PLXDC2: variants seen among roughly 807,000 people sequenced by gnomAD.
PLXDC2 encodes plexin domain-containing protein 2.
Under a neutral mutation model 68.9 loss-of-function variants are expected in PLXDC2, and 40 were observed. The ratio of observed to expected loss-of-function variants is 0.58; its 90% CI spans 0.45 to 0.76. PLXDC2 has a LOEUF of 0.76. Among genes scored for constraint, PLXDC2 ranks in the 30% least tolerant of loss-of-function variants. The pLI is 0.00. For synonymous variants in PLXDC2, 243 were observed against 234.2 expected (o/e 1.04, Z -0.34); for missense variants, 644 against 661.9 (o/e 0.97, Z 0.30).
intron 9 of PLXDC2, among the ~76,000 whole-genome samples, chr10:20,199,092 G>C (rs933918699): frequency 7.2e-5 from 11 of 151,900 alleles, no homozygotes; most frequent in Non-Finnish European, 1.5e-4. Context: ...CTAAAACATA[G>C]TCAAATAATA....
chr10:19,966,502 A>G (rs1177530731), intron 1 of PLXDC2, among the ~76,000 whole-genome samples: 2 of 60,686 alleles, frequency 3.3e-5, no homozygotes, highest in African/African-American at 1.6e-4. Flanking sequence ...TGTATGATAT[A>G]GATATAGAAA....
At chr10:19,856,442 A>C (rs1837216302) in intron 1 of PLXDC2, among the ~76,000 whole-genome samples, 2 of 151,468 alleles carry the variant, frequency 1.3e-5, no homozygotes, top group African/African-American at 4.9e-5. Context: ...CCTTATAATA[A>C]ACTTGGTTTG....
At chr10:20,201,153 G>A (rs6482101) in intron 9 of PLXDC2, among the ~76,000 whole-genome samples, 71,541 of 151,816 alleles carry the variant, frequency 0.47, 17,033 homozygotes, top group Middle Eastern at 0.55. Flanking sequence ...ATCAATGGAT[G>A]AAGAAAATGT....
chr10:19,888,466 G>A (rs531502494), intron 1 of PLXDC2, among the ~76,000 whole-genome samples: 2 of 152,272 alleles, frequency 1.3e-5, no homozygotes, highest in South Asian at 4.1e-4. Flanking sequence ...CCTACAATGA[G>A]ATCACTTTCT....
intron 2 of PLXDC2, among the ~76,000 whole-genome samples, chr10:20,036,124 A>T (rs1180451389): frequency 2.6e-5 from 4 of 152,206 alleles, no homozygotes; most frequent in Non-Finnish European, 4.4e-5. Flanking sequence ...AAGGACCTGT[A>T]TGTGTGTGCT....
chr10:20,130,308 G>T (rs545779668), intron 4 of PLXDC2, among the ~76,000 whole-genome samples: 1 of 151,948 alleles, frequency 6.6e-6, no homozygotes, highest in Non-Finnish European at 1.5e-5. Context: ...TGGATAGTTT[G>T]TTGTTAGTGT....
At chr10:20,094,686 T>C (rs1012658291) in intron 4 of PLXDC2, among the ~76,000 whole-genome samples, 28 of 152,224 alleles carry the variant, frequency 1.8e-4, no homozygotes, top group Non-Finnish European at 2.9e-5. Context: ...AAGGTCAATA[T>C]GATCTTGGAC....
chr10:19,984,684 G>T (rs187817409), intron 1 of PLXDC2, among the ~76,000 whole-genome samples: 1 of 152,262 alleles, frequency 6.6e-6, no homozygotes, highest in East Asian at 1.9e-4. Flanking sequence ...GAACTTCAGA[G>T]ACACAGGAGA....
chr10:20,176,777 T>C (rs1474494773), intron 7 of PLXDC2, among the ~76,000 whole-genome samples: 1 of 152,114 alleles, frequency 6.6e-6, no homozygotes, highest in East Asian at 1.9e-4. Context: ...AAGTGAGATA[T>C]CTGAGACCCT....
chr10:20,237,647 G>A (rs1835451693), intron 12 of PLXDC2, among the ~76,000 whole-genome samples: 1 of 152,184 alleles, frequency 6.6e-6, no homozygotes, highest in African/African-American at 2.4e-5. Flanking sequence ...ATTCATGTCT[G>A]TGTGCATTTT....
intron 2 of PLXDC2, among the ~76,000 whole-genome samples, chr10:20,008,578 A>T (rs972815338): frequency 4.6e-5 from 7 of 152,046 alleles, no homozygotes; most frequent in Non-Finnish European, 7.4e-5. Context: ...AAAAAATGTG[A>T]TTGTGTTGAT....
intron 10 of PLXDC2, 143 bp downstream of exon 10, chr10:20,211,872 A>T (rs975778485): frequency 2.7e-6 from 2 of 734,552 alleles, no homozygotes. Context: ...ATGTCTGCAA[A>T]TATTAGGGGT....
intron 2 of PLXDC2, among the ~76,000 whole-genome samples, chr10:20,019,487 A>G (rs1381142761): frequency 6.6e-6 from 1 of 152,178 alleles, no homozygotes; most frequent in African/African-American, 2.4e-5. Context: ...TTAAATTCAT[A>G]TGTTGAAGCC....
At chr10:19,886,105 T>C (rs1038060556) in intron 1 of PLXDC2, among the ~76,000 whole-genome samples, 1 of 152,170 alleles carries the variant, frequency 6.6e-6, no homozygotes, top group African/African-American at 2.4e-5. Flanking sequence ...TATTTTATTC[T>C]CTTTGAAGCA....
At position 20,217,581 on chromosome 10, in the gene PLXDC2, C is replaced by CCAAGAGATA; in HGVS notation, c.1273+6_1273+14dup. 1 of 1,390,382 alleles carries CCAAGAGATA rather than the reference C, an allele frequency of 7.2e-7. No homozygotes were observed. The highest frequency in any genetic ancestry group is 9.7e-7 in the Non-Finnish European group (1 of 1,029,482). The allele number at this position is 1,390,382 out of a possible 1,614,324, so 86.1% of individuals were successfully genotyped here. A position where few individuals can be genotyped will look rare whatever the true frequency, so the allele number is the denominator to read the frequency against. On this transcript the variant is annotated splice_donor_region_variant and intron_variant, in intron 11 of 13. Transcript: ENST00000377252. ...CCACCAGCCTCCCTACAGAAGGTAC[C>CCAAGAGATA]CAAGAGATAGTTTGCTTTTTTTTTT...
chr10:20,149,229 C>CTTTTTTTTTTTTTTTTTTT (rs71200986), intron 6 of PLXDC2, among the ~76,000 whole-genome samples: 681 of 34,998 alleles, frequency 0.019, 19 homozygotes, highest in Non-Finnish European at 0.022. Flanking sequence ...TTTTTCTTTT[C>CTTTTTTTTTTTTTTTTTTT]TTTTTTTTTT....
intron 12 of PLXDC2, among the ~76,000 whole-genome samples, chr10:20,244,777 T>C (rs953130462): frequency 2.6e-4 from 40 of 152,206 alleles, no homozygotes; most frequent in African/African-American, 8.7e-4. Flanking sequence ...TTTCCCACAG[T>C]ACTTTGAGAA....
chr10:20,005,706 C>G (rs1430015566), intron 2 of PLXDC2, among the ~76,000 whole-genome samples: 1 of 152,092 alleles, frequency 6.6e-6, no homozygotes, highest in Non-Finnish European at 1.5e-5. Flanking sequence ...TTTCAAACAA[C>G]CAGATCTCTC....
intron 6 of PLXDC2, among the ~76,000 whole-genome samples, chr10:20,153,066 G>A (rs1393155752): frequency 6.6e-6 from 1 of 152,086 alleles, no homozygotes; most frequent in East Asian, 1.9e-4. Context: ...TTTTGCTATG[G>A]ACCTTTTCCT....
Sources: gnomAD v4.1 joint callset for allele counts (sites outside exome capture counted in the v4.1 genomes callset) on GRCh38, gnomAD v4.1.1 for gene constraint, MANE v1.5 for transcripts, NCBI Gene and HGNC (gene_info 2026-07-23, HGNC 2026-07-21) for gene names.